The following SLC16A7 variants were observed in gnomAD, a reference collection of about 807,000 sequenced individuals.
SLC16A7 encodes the protein monocarboxylate transporter 2.
A neutral mutation model predicts 34.9 loss-of-function variants in SLC16A7; 33 were observed. That is an observed-to-expected ratio of 0.94 (90% CI 0.72 to 1.26). The LOEUF is 1.26. Among genes scored for constraint, SLC16A7 ranks in the 50% most tolerant of loss-of-function variants. The pLI, the probability that SLC16A7 is intolerant of heterozygous loss-of-function variation, is 0.00. For missense variants in SLC16A7, 573 were observed against 578.1 expected, an observed-to-expected ratio of 0.99 and a Z score of 0.09; for synonymous variants, 201 against 206.6, an observed-to-expected ratio of 0.97 and a Z score of 0.23.
intron 3 of SLC16A7, among the ~76,000 whole-genome samples, chr12:59,709,349 G>A (rs965562206): frequency 6.6e-6 from 1 of 151,560 alleles, no homozygotes. Flanking sequence ...ATAGTTTTGT[G>A]ATGAACTACT....
intron 2 of SLC16A7, among the ~76,000 whole-genome samples, chr12:59,700,202 T>C (rs1872721912): frequency 6.6e-6 from 1 of 151,674 alleles, no homozygotes; most frequent in East Asian, 1.9e-4. Flanking sequence ...TTGATGAAAA[T>C]GTGATCAGAG....
intron 1 of SLC16A7, among the ~76,000 whole-genome samples, chr12:59,639,312 A>C (rs1031708152): frequency 6.6e-6 from 1 of 152,178 alleles, no homozygotes; most frequent in Non-Finnish European, 1.5e-5. Context: ...AACTCTTTGT[A>C]ACAATGAGGG....
intron 3 of SLC16A7, among the ~76,000 whole-genome samples, chr12:59,752,810 C>A (rs960741784): frequency 2.6e-5 from 4 of 152,118 alleles, no homozygotes; most frequent in Non-Finnish European, 4.4e-5. Context: ...TTGTCAGATT[C>A]ACCAAAGTTG....
intron 1 of SLC16A7, among the ~76,000 whole-genome samples, chr12:59,650,617 G>A (rs1868327112): frequency 6.6e-6 from 1 of 152,044 alleles, no homozygotes; most frequent in African/African-American, 2.4e-5. Flanking sequence ...TACTTATACT[G>A]AACAAAAATC....
chr12:59,627,684 T>A (rs993405346), intron 1 of SLC16A7, among the ~76,000 whole-genome samples: 2 of 151,708 alleles, frequency 1.3e-5, no homozygotes, highest in African/African-American at 4.8e-5. Flanking sequence ...CTTCACAGAT[T>A]CATGTTTTTC....
At chr12:59,610,038 T>G (rs113388747) in intron 1 of SLC16A7, among the ~76,000 whole-genome samples, 30 of 152,328 alleles carry the variant, frequency 2.0e-4, no homozygotes, top group African/African-American at 6.7e-4. Context: ...TTAGAATGGC[T>G]CTGGCTGGTT....
intron 3 of SLC16A7, among the ~76,000 whole-genome samples, chr12:59,716,896 T>A (rs1874969300): frequency 6.6e-6 from 1 of 152,078 alleles, no homozygotes. Flanking sequence ...ATCAAAAGCA[T>A]TTAAAGTATC....
intron 1 of SLC16A7, among the ~76,000 whole-genome samples, chr12:59,632,143 A>T (rs1377664786): frequency 6.6e-6 from 1 of 151,968 alleles, no homozygotes; most frequent in South Asian, 2.1e-4. Context: ...AGCAGAGGGA[A>T]GATGGAACAG....
At chr12:59,638,999 T>TG (rs1385000357) in intron 1 of SLC16A7, among the ~76,000 whole-genome samples, 1 of 152,168 alleles carries the variant, frequency 6.6e-6, no homozygotes, top group Non-Finnish European at 1.5e-5. Context: ...GCTTTAGACT[T>TG]GAATAATTCT....
intron 3 of SLC16A7, among the ~76,000 whole-genome samples, chr12:59,731,375 C>A (rs1156539511): frequency 2.6e-5 from 4 of 152,066 alleles, no homozygotes; most frequent in Admixed American, 6.6e-5. Context: ...TCATCATTTT[C>A]CAAATTATAG....
intron 3 of SLC16A7, among the ~76,000 whole-genome samples, chr12:59,717,142 A>G (rs530172643): frequency 3.9e-5 from 6 of 152,318 alleles, no homozygotes; most frequent in African/African-American, 1.2e-4. Flanking sequence ...TCAGATTTCT[A>G]TCATCTTCCA....
intron 3 of SLC16A7, among the ~76,000 whole-genome samples, chr12:59,737,184 C>G (rs1047833773): frequency 5.3e-5 from 8 of 152,222 alleles, no homozygotes; most frequent in Non-Finnish European, 8.8e-5. Context: ...GGACATACAA[C>G]TCACCTAATC....
Position 59,733,426 on chromosome 12 carries a change from A to C in SLC16A7, c.217+28408A>C, listed in dbSNP as rs376954315. On this transcript the variant is annotated intron_variant, in intron 3 of 5. Coordinates refer to ENST00000547379, the MANE Select transcript of SLC16A7 (RefSeq NM_001270623.2). The stretch of plus-strand genomic sequence containing the variant: ...GGCACTGGCTTTTTGTGGGGTGGGC[A>C]GCTCCAGGCGCTGGCAAAGGCACAG... Among the ~76,000 whole-genome samples, 71 of 152,158 alleles carry C rather than the reference A, an allele frequency of 4.7e-4. No homozygotes were observed. The South Asian group carries it at 0.014, about 30-fold the overall frequency.
At chr12:59,698,100 A>G (rs1219680913) in intron 2 of SLC16A7, among the ~76,000 whole-genome samples, 6 of 151,728 alleles carry the variant, frequency 4.0e-5, no homozygotes, top group African/African-American at 9.7e-5. Context: ...TGGAGCAAAA[A>G]TCTATGTTTT....
At chr12:59,667,190 T>A (rs1484228302) in intron 2 of SLC16A7, among the ~76,000 whole-genome samples, 2 of 152,132 alleles carry the variant, frequency 1.3e-5, no homozygotes, top group African/African-American at 2.4e-5. Context: ...CCTTAGTCCC[T>A]CCCACAACAC....
chr12:59,704,199 C>CAAAAA (rs34021022), intron 2 of SLC16A7, among the ~76,000 whole-genome samples: 220 of 51,510 alleles, frequency 4.3e-3, no homozygotes, highest in African/African-American at 8.8e-3. Context: ...GACTCTGTCT[C>CAAAAA]AAAAAAAAAA....
intron 2 of SLC16A7, among the ~76,000 whole-genome samples, chr12:59,673,215 A>C (rs1469256594): frequency 6.6e-6 from 1 of 152,174 alleles, no homozygotes; most frequent in Non-Finnish European, 1.5e-5. Context: ...AACCTCTTGA[A>C]CAAAACTTTT....
intron 2 of SLC16A7, among the ~76,000 whole-genome samples, chr12:59,687,694 C>A (rs1033899277): frequency 1.3e-5 from 2 of 152,118 alleles, no homozygotes; most frequent in African/African-American, 4.8e-5. Flanking sequence ...CTGGTTGGTT[C>A]TGAGGGGCTC....
chr12:59,771,217 A>C lies in SLC16A7; in HGVS notation c.218-2A>C, dbSNP rs538517319. On this transcript the variant is annotated splice_acceptor_variant, in intron 3 of 5. Transcript: ENST00000547379. LOFTEE classifies it high-confidence loss of function. ...TATTTCTTTATCTCCTCTCTGCTGTAGGTCCTGTAAGTAGTGTTTTGGTGA... is the reference window on the plus strand; with the variant it reads ...TATTTCTTTATCTCCTCTCTGCTGTCGGTCCTGTAAGTAGTGTTTTGGTGA... 5.0e-6 allele frequency: 8 copies of C among 1,610,868 alleles called. No individual in the cohort carries two copies. In the African/African-American group the frequency reaches 9.4e-5, roughly 19 times the overall value.
Sources: gnomAD v4.1 joint callset for allele counts (sites outside exome capture counted in the v4.1 genomes callset) on GRCh38, gnomAD v4.1.1 for gene constraint, MANE v1.5 for transcripts, NCBI Gene and HGNC (gene_info 2026-07-23, HGNC 2026-07-21) for gene names.